The following ARHGAP42 variants were observed in gnomAD, a reference collection of about 807,000 sequenced individuals.
ARHGAP42 encodes the protein Rho GTPase activating protein 42.
In ARHGAP42, 63 loss-of-function variants were observed where a neutral mutation model predicts 125.0. The observed-to-expected ratio is 0.50, with a 90% CI of 0.41 to 0.62. The LOEUF (loss-of-function observed/expected upper bound fraction) is 0.62. ARHGAP42 is among the 20% of genes least tolerant of loss of function. The pLI, the probability that ARHGAP42 is intolerant of heterozygous loss-of-function variation, is 0.00. For missense variants in ARHGAP42, 766 were observed against 1,024.2 expected, an observed-to-expected ratio of 0.75 and a Z score of 3.44; for synonymous variants, 339 against 351.0, an observed-to-expected ratio of 0.97 and a Z score of 0.38.
chr11:100,956,795 C>T (rs959264903), intron 12 of ARHGAP42, among the ~76,000 whole-genome samples: 2 of 152,022 alleles, frequency 1.3e-5, no homozygotes, highest in Non-Finnish European at 2.9e-5. Flanking sequence ...CTGGTTTATG[C>T]CTGATCTATG....
chr11:100,819,615 T>C (rs1342388623), intron 3 of ARHGAP42, among the ~76,000 whole-genome samples: 1 of 152,124 alleles, frequency 6.6e-6, no homozygotes, highest in Admixed American at 6.5e-5. Context: ...TCACTTAACA[T>C]TTCATTTGTT....
chr11:100,960,814 G>T, intron 13 of ARHGAP42, 101 bp from the exon 14 acceptor site: 1 of 635,782 alleles, frequency 1.6e-6, no homozygotes. Context: ...AATTGGATAA[G>T]TAGCTTTCAA....
At chr11:100,845,756 C>T (rs554754523) in intron 3 of ARHGAP42, among the ~76,000 whole-genome samples, 3 of 152,202 alleles carry the variant, frequency 2.0e-5, no homozygotes, top group Admixed American at 2.0e-4. Flanking sequence ...CCCAGTTGTC[C>T]TCATTGTAAT....
chr11:100,935,303 T>A (rs1328244650), intron 7 of ARHGAP42, among the ~76,000 whole-genome samples: 2 of 152,142 alleles, frequency 1.3e-5, no homozygotes, highest in Admixed American at 6.5e-5. Context: ...ATCTATTTCT[T>A]GCAACAGAAG....
At chr11:100,815,315 A>G (rs1299939526) in intron 3 of ARHGAP42, among the ~76,000 whole-genome samples, 1 of 152,104 alleles carries the variant, frequency 6.6e-6, no homozygotes, top group African/African-American at 2.4e-5. Flanking sequence ...AATTTACCCA[A>G]TCATTTCCAT....
intron 4 of ARHGAP42, among the ~76,000 whole-genome samples, chr11:100,897,968 G>T (rs1449803960): frequency 6.6e-6 from 1 of 152,142 alleles, no homozygotes; most frequent in African/African-American, 2.4e-5. Context: ...TATGATATTG[G>T]CTGTGGGTTT....
chr11:100,983,392 A>G (rs1334573259), intron 22 of ARHGAP42, among the ~76,000 whole-genome samples: 1 of 152,230 alleles, frequency 6.6e-6, no homozygotes, highest in African/African-American at 2.4e-5. Context: ...ATTGTCATAT[A>G]CATTCCATTA....
At chr11:100,824,154 T>C (rs909414807) in intron 3 of ARHGAP42, among the ~76,000 whole-genome samples, 2 of 152,168 alleles carry the variant, frequency 1.3e-5, no homozygotes, top group Non-Finnish European at 2.9e-5. Context: ...ACCGGCAGCA[T>C]GTGGGTAGTA....
chr11:100,752,102 T>G (rs898522070), intron 1 of ARHGAP42, among the ~76,000 whole-genome samples: 1 of 152,074 alleles, frequency 6.6e-6, no homozygotes, highest in Non-Finnish European at 1.5e-5. Flanking sequence ...TTTTTTCATC[T>G]GCAGAAATGT....
chr11:100,952,609 A>G (rs1026283197), intron 12 of ARHGAP42, among the ~76,000 whole-genome samples: 7 of 152,118 alleles, frequency 4.6e-5, no homozygotes, highest in African/African-American at 7.2e-5. Flanking sequence ...AGTCAAGACT[A>G]TGGCAGGTGC....
intron 8 of ARHGAP42, among the ~76,000 whole-genome samples, chr11:100,941,461 G>A (rs986801809): frequency 2.0e-5 from 3 of 152,046 alleles, no homozygotes; most frequent in African/African-American, 2.4e-5. Flanking sequence ...TAAACAACTC[G>A]GACTCATTCC....
At chr11:100,752,589 A>C (rs1862485013) in intron 1 of ARHGAP42, among the ~76,000 whole-genome samples, 1 of 152,210 alleles carries the variant, frequency 6.6e-6, no homozygotes, top group African/African-American at 2.4e-5. Context: ...GCCGTAATTC[A>C]GGCTGGTGCT....
At chr11:100,926,214 C>A (rs958564210) in intron 6 of ARHGAP42, among the ~76,000 whole-genome samples, 2 of 152,146 alleles carry the variant, frequency 1.3e-5, no homozygotes, top group African/African-American at 4.8e-5. Flanking sequence ...CTACTATGTG[C>A]TATGTGTTTT....
intron 4 of ARHGAP42, among the ~76,000 whole-genome samples, chr11:100,889,102 G>A (rs973995388): frequency 3.3e-5 from 5 of 152,260 alleles, no homozygotes; most frequent in African/African-American, 4.8e-5. Flanking sequence ...CACACTCAGC[G>A]TGTCGACAAA....
At position 100,960,938 on chromosome 11, in the gene ARHGAP42, C is replaced by G. The variant is rs927039528; in HGVS notation, c.1249C>G (p.Arg417Gly). The G allele has an allele frequency of 6.5e-7, 1 of 1,535,408 alleles. No homozygotes were observed. The highest frequency in any genetic ancestry group is 8.8e-7 in the Non-Finnish European group (1 of 1,139,178). The change falls in exon 14 of 24, where the codon CGA becomes GGA. Residue 417 changes from arginine to glycine, a missense_variant. Coordinates refer to ENST00000298815, the MANE Select transcript of ARHGAP42 (RefSeq NM_152432.4). ...AGGTATCACCATTTTAGGACTCTAC[C>G]GAATAGGAGGAGTGAACTCCAAAGT... ...TRGITILGLY[R>G]IGGVNSKVQK...
chr11:100,830,058 G>T (rs1864629637), intron 3 of ARHGAP42, among the ~76,000 whole-genome samples: 1 of 152,176 alleles, frequency 6.6e-6, no homozygotes, highest in South Asian at 2.1e-4. Context: ...ATATTAATAG[G>T]ATGTTAGTAA....
intron 4 of ARHGAP42, among the ~76,000 whole-genome samples, chr11:100,868,518 C>A (rs893831190): frequency 6.6e-6 from 1 of 152,128 alleles, no homozygotes; most frequent in Non-Finnish European, 1.5e-5. Flanking sequence ...AGAAGTTAAT[C>A]AAATGGACCA....
chr11:100,889,576 C>T (rs1256433577), intron 4 of ARHGAP42, among the ~76,000 whole-genome samples: 1 of 152,162 alleles, frequency 6.6e-6, no homozygotes, highest in Non-Finnish European at 1.5e-5. Context: ...GCCACACAAA[C>T]AGACTAAGAC....
intron 3 of ARHGAP42, among the ~76,000 whole-genome samples, chr11:100,849,957 T>TTTAATTGAGAAA (rs1865163198): frequency 6.6e-6 from 1 of 152,220 alleles, no homozygotes; most frequent in South Asian, 2.1e-4. Flanking sequence ...TTTCTCAAAC[T>TTTAATTGAGAAA]TTAATTGGGT....
Sources: allele counts gnomAD v4.1 joint callset (sites outside exome capture counted in the v4.1 genomes callset), GRCh38; gene constraint gnomAD v4.1.1; transcripts MANE v1.5; gene names NCBI Gene and HGNC (gene_info 2026-07-23, HGNC 2026-07-21).